The following COL5A2 variants were observed in gnomAD, a reference collection of about 807,000 sequenced individuals.
COL5A2 encodes the protein collagen type V alpha 2 chain.
A neutral mutation model predicts 208.2 loss-of-function variants in COL5A2; 23 were observed. The observed-to-expected ratio is 0.11, with a 90% confidence interval of 0.08 to 0.16. The LOEUF (loss-of-function observed/expected upper bound fraction) is 0.16. COL5A2 is among the 10% of genes least tolerant of loss of function. The pLI is 1.00. For synonymous variants in COL5A2, 625 were observed against 628.5 expected (o/e 0.99, Z 0.08); for missense variants, 1,590 against 1,956.4 (o/e 0.81, Z 3.53).
At chr2:189,400,382 C>A in the COL5A2 span, among the ~76,000 whole-genome samples, 85,838 of 152,020 alleles carry the variant, frequency 0.56, 26,060 homozygotes, top group East Asian at 0.69. Flanking sequence ...TATATAAACA[C>A]TTCCTTATTC....
chr2:189,210,528 G>A (rs1364439803), intron 1 of COL5A2, among the ~76,000 whole-genome samples: 3 of 149,844 alleles, frequency 2.0e-5, no homozygotes, highest in Non-Finnish European at 4.4e-5. Context: ...CAGCATCATA[G>A]GAACTAATAA....
At chr2:189,246,688 T>C in the COL5A2 span, among the ~76,000 whole-genome samples, 1 of 152,144 alleles carries the variant, frequency 6.6e-6, no homozygotes, top group African/African-American at 2.4e-5. Flanking sequence ...TGTGAGAACG[T>C]GGTAAAATGT....
At chr2:189,128,757 T>C (rs1687656053) in intron 1 of COL5A2, among the ~76,000 whole-genome samples, 1 of 152,056 alleles carries the variant, frequency 6.6e-6, no homozygotes, top group Admixed American at 6.6e-5. Flanking sequence ...TTCTTTAGAA[T>C]GATCATTCCC....
At chr2:189,232,252 GA>G in the COL5A2 span, among the ~76,000 whole-genome samples, 1 of 151,700 alleles carries the variant, frequency 6.6e-6, no homozygotes, top group African/African-American at 2.4e-5. Flanking sequence ...TTAAAATTAT[GA>G]GGTTCTAATT....
At chr2:189,280,377 C>T in the COL5A2 span, among the ~76,000 whole-genome samples, 2 of 152,048 alleles carry the variant, frequency 1.3e-5, no homozygotes, top group Non-Finnish European at 1.5e-5. Context: ...ACTATAAATA[C>T]CCTGTCAAGC....
chr2:189,200,758 G>T (rs948719354), intron 1 of COL5A2, among the ~76,000 whole-genome samples: 1 of 150,560 alleles, frequency 6.6e-6, no homozygotes, highest in African/African-American at 2.4e-5. Flanking sequence ...GAGGGAAAAA[G>T]AATTACATGA....
intron 1 of COL5A2, among the ~76,000 whole-genome samples, chr2:189,137,823 T>C (rs545092365): frequency 6.6e-6 from 1 of 152,314 alleles, no homozygotes; most frequent in Admixed American, 6.5e-5. Flanking sequence ...TTCTCAGACC[T>C]GGCAAATTTT....
the COL5A2 span, among the ~76,000 whole-genome samples, chr2:189,360,303 A>C: frequency 6.6e-6 from 1 of 152,158 alleles, no homozygotes; most frequent in African/African-American, 2.4e-5. Flanking sequence ...TTAAAATTTT[A>C]ATTAGGATTT....
chr2:189,402,787 C>CTATAGTATAGTATAGTATAGTATAG, the COL5A2 span, among the ~76,000 whole-genome samples: 95 of 150,364 alleles, frequency 6.3e-4, no homozygotes, highest in African/African-American at 2.2e-3. Flanking sequence ...GCTCTTTTGG[C>CTATAGTATAGTATAGTATAGTATAG]TATAGTATAG....
chr2:189,136,606 A>T (rs1315384306), intron 1 of COL5A2, among the ~76,000 whole-genome samples: 2 of 151,186 alleles, frequency 1.3e-5, no homozygotes, highest in Non-Finnish European at 3.0e-5. Context: ...ACACTATGAA[A>T]TTTTATGATG....
At chr2:189,220,319 G>T (rs1369356931) in intron 1 of COL5A2, among the ~76,000 whole-genome samples, 2 of 152,110 alleles carry the variant, frequency 1.3e-5, no homozygotes, top group Admixed American at 6.6e-5. Context: ...TTCATTATGT[G>T]TGTAAAGTTT....
chr2:189,418,863 T>C, the COL5A2 span, among the ~76,000 whole-genome samples: 1 of 152,184 alleles, frequency 6.6e-6, no homozygotes, highest in Non-Finnish European at 1.5e-5. Flanking sequence ...GAGAGGACCA[T>C]AACCCAAGTC....
intron 6 of COL5A2, among the ~76,000 whole-genome samples, chr2:189,096,803 G>C (rs1453003599): frequency 6.6e-6 from 1 of 152,028 alleles, no homozygotes; most frequent in Admixed American, 6.6e-5. Flanking sequence ...TCTAGTAATG[G>C]GATTGCTGAT....
At chr2:189,104,535 T>C (rs1687113132) in intron 2 of COL5A2, among the ~76,000 whole-genome samples, 1 of 152,002 alleles carries the variant, frequency 6.6e-6, no homozygotes, top group African/African-American at 2.4e-5. Context: ...GTTCATTAAA[T>C]TATTAAATTA....
chr2:189,438,901 C>T, the COL5A2 span, among the ~76,000 whole-genome samples: 1 of 152,082 alleles, frequency 6.6e-6, no homozygotes, highest in South Asian at 2.1e-4. Flanking sequence ...TCTAGGAGAC[C>T]CTATGAACTG....
chr2:189,311,664 T>C, the COL5A2 span: 56 of 765,448 alleles, frequency 7.3e-5, no homozygotes, highest in Non-Finnish European at 1.2e-4. Context: ...CTCAGCTCCA[T>C]GAGCATCATC....
chr2:189,401,262 G>A, the COL5A2 span, among the ~76,000 whole-genome samples: 2 of 152,178 alleles, frequency 1.3e-5, no homozygotes, highest in South Asian at 2.1e-4. Context: ...TCCCCCTTAT[G>A]TGTCCAGGTG....
intron 1 of COL5A2, among the ~76,000 whole-genome samples, chr2:189,202,735 T>C (rs1380646671): frequency 6.6e-6 from 1 of 152,110 alleles, no homozygotes; most frequent in East Asian, 1.9e-4. Flanking sequence ...AAAATCATTA[T>C]CTTTGTTGGG....
At chr2:189,064,970 C>G (rs764530061) in intron 24 of COL5A2, 34 bp downstream of exon 24, 4 of 1,608,184 alleles carry the variant, frequency 2.5e-6, no homozygotes, top group Admixed American at 1.7e-5. Flanking sequence ...GAGCACCCCC[C>G]ACGTAAGTAT....
Sources: gnomAD v4.1 joint callset for allele counts (sites outside exome capture counted in the v4.1 genomes callset) on GRCh38, gnomAD v4.1.1 for gene constraint, MANE v1.5 for transcripts, NCBI Gene and HGNC (gene_info 2026-07-23, HGNC 2026-07-21) for gene names.